Variants in CSMD1 observed in about 807,000 individuals in gnomAD.
CSMD1 encodes the protein CUB and sushi domain-containing protein 1.
Under a neutral mutation model 417.5 loss-of-function variants are expected in CSMD1, and 213 were observed. That is an observed-to-expected ratio of 0.51 (90% CI 0.46 to 0.57). The LOEUF (loss-of-function observed/expected upper bound fraction) is 0.57, where lower values mean the gene tolerates loss of function less well. Among genes scored for constraint, CSMD1 ranks in the 20% least tolerant of loss-of-function variants. The probability of loss-of-function intolerance (pLI) is 0.00; values close to 1 mark genes in which losing one functional copy is unlikely to be tolerated. For synonymous variants in CSMD1, 2,862 were observed against 1,736.8 expected, an observed-to-expected ratio of 1.65 and a Z score of -16.11; for missense variants, 6,923 against 4,529.7, an observed-to-expected ratio of 1.53 and a Z score of -15.17.
chr8:3,798,935 T>A (rs1280987918), intron 5 of CSMD1, among the ~76,000 whole-genome samples: 1 of 152,078 alleles, frequency 6.6e-6, no homozygotes, highest in Non-Finnish European at 1.5e-5. Flanking sequence ...AAACATATCA[T>A]ATATATAAAA....
At chr8:3,422,594 A>T (rs1445986378) in intron 12 of CSMD1, among the ~76,000 whole-genome samples, 2 of 152,250 alleles carry the variant, frequency 1.3e-5, no homozygotes, top group Admixed American at 6.5e-5. Flanking sequence ...ATGTTACAAT[A>T]GGGCTAGACC....
intron 2 of CSMD1, among the ~76,000 whole-genome samples, chr8:4,424,949 C>G (rs1349577113): frequency 6.6e-6 from 1 of 151,934 alleles, no homozygotes; most frequent in Non-Finnish European, 1.5e-5. Context: ...CTGAGAGGTA[C>G]TCAAGAACAT....
intron 1 of CSMD1, among the ~76,000 whole-genome samples, chr8:4,764,027 C>G (rs1318001759): frequency 6.6e-6 from 1 of 152,182 alleles, no homozygotes; most frequent in East Asian, 1.9e-4. Flanking sequence ...CAAGAAGCAG[C>G]TGCTAGATGC....
At chr8:4,601,170 G>T (rs1214745154) in intron 2 of CSMD1, among the ~76,000 whole-genome samples, 1 of 152,112 alleles carries the variant, frequency 6.6e-6, no homozygotes, top group Non-Finnish European at 1.5e-5. Context: ...GGTCAGGCTG[G>T]TCTCGAACTC....
chr8:4,399,056 C>G (rs1008893915), intron 3 of CSMD1, among the ~76,000 whole-genome samples: 1 of 152,180 alleles, frequency 6.6e-6, no homozygotes, highest in African/African-American at 2.4e-5. Context: ...GTAAGAATCT[C>G]AGTCGTAACA....
chr8:3,476,688 C>T (rs10110880), intron 11 of CSMD1, among the ~76,000 whole-genome samples: 95,794 of 151,540 alleles, frequency 0.63, 30,864 homozygotes, highest in Middle Eastern at 0.74. Context: ...GAGGCCAAGG[C>T]GGGCAGATTA....
chr8:4,129,775 A>G (rs1166281474), intron 3 of CSMD1, among the ~76,000 whole-genome samples: 4 of 151,976 alleles, frequency 2.6e-5, no homozygotes, highest in African/African-American at 9.7e-5. Context: ...TTTCTTCAAC[A>G]ATTTAATTTT....
chr8:4,028,010 G>A (rs1170182966), intron 4 of CSMD1, among the ~76,000 whole-genome samples: 1 of 152,172 alleles, frequency 6.6e-6, no homozygotes, highest in Non-Finnish European at 1.5e-5. Flanking sequence ...ATTGAGAACA[G>A]TCTGTGGAAA....
chr8:4,406,074 C>A (rs990699380), intron 3 of CSMD1, among the ~76,000 whole-genome samples: 3 of 152,150 alleles, frequency 2.0e-5, no homozygotes, highest in African/African-American at 7.2e-5. Context: ...TATTTTTGGT[C>A]TATTAGTAAA....
intron 1 of CSMD1, among the ~76,000 whole-genome samples, chr8:4,989,241 G>C (rs1346502225): frequency 6.6e-6 from 1 of 151,796 alleles, no homozygotes; most frequent in African/African-American, 2.4e-5. Context: ...TATTTCTTTG[G>C]CTCAGGTTGC....
chr8:2,990,058 C>T (rs556739070), intron 54 of CSMD1, among the ~76,000 whole-genome samples: 2 of 152,318 alleles, frequency 1.3e-5, no homozygotes, highest in South Asian at 2.1e-4. Context: ...CATAATTATG[C>T]TGTCCCCCTG....
intron 2 of CSMD1, among the ~76,000 whole-genome samples, chr8:4,610,274 G>T (rs562009638): frequency 2.6e-5 from 4 of 152,302 alleles, no homozygotes; most frequent in African/African-American, 9.6e-5. Context: ...TCGTGAAACT[G>T]ACTATTGGAT....
intron 18 of CSMD1, among the ~76,000 whole-genome samples, chr8:3,370,657 G>T (rs1175880287): frequency 6.6e-6 from 1 of 152,186 alleles, no homozygotes; most frequent in Non-Finnish European, 1.5e-5. Context: ...CATTCAATCT[G>T]CTGAGGGCTG....
chr8:3,804,605 T>C (rs981318785), intron 5 of CSMD1, among the ~76,000 whole-genome samples: 6 of 152,154 alleles, frequency 3.9e-5, no homozygotes, highest in African/African-American at 9.7e-5. Flanking sequence ...TGTAGTATCT[T>C]TTTCATTTAA....
chr8:4,235,030 T>C (rs879380573), intron 3 of CSMD1, among the ~76,000 whole-genome samples: 4 of 152,188 alleles, frequency 2.6e-5, no homozygotes, highest in Non-Finnish European at 4.4e-5. Context: ...GGGAGTTAAG[T>C]CTTCAACATT....
chr8:3,215,394 T>G (rs553158507), intron 29 of CSMD1, among the ~76,000 whole-genome samples: 56 of 152,354 alleles, frequency 3.7e-4, no homozygotes, highest in African/African-American at 1.3e-3. Context: ...TTGCTGAAAT[T>G]TATTGAGGGC....
intron 2 of CSMD1, among the ~76,000 whole-genome samples, chr8:4,490,043 T>C (rs1327113223): frequency 6.8e-6 from 1 of 146,310 alleles, no homozygotes; most frequent in Non-Finnish European, 1.5e-5. Flanking sequence ...GTACCAATTT[T>C]TTTTTTTTTT....
At chr8:3,304,909 A>AATTATTTTT (rs1400305433) in intron 25 of CSMD1, among the ~76,000 whole-genome samples, 1 of 152,154 alleles carries the variant, frequency 6.6e-6, no homozygotes, top group Non-Finnish European at 1.5e-5. Flanking sequence ...AAAGAAGATA[A>AATTATTTTT]ATTATTTTTA....
At chr8:4,864,899 C>CACACACAA (rs1554505489) in intron 1 of CSMD1, among the ~76,000 whole-genome samples, 3 of 149,118 alleles carry the variant, frequency 2.0e-5, no homozygotes, top group South Asian at 2.1e-4. Flanking sequence ...CACACACAAA[C>CACACACAA]ACACACACAC....
Sources: allele counts gnomAD v4.1 joint callset (sites outside exome capture counted in the v4.1 genomes callset), GRCh38; gene constraint gnomAD v4.1.1; transcripts MANE v1.5; gene names NCBI Gene and HGNC (gene_info 2026-07-23, HGNC 2026-07-21).